INPP5A: variants seen among roughly 807,000 people sequenced by gnomAD.
The protein encoded by INPP5A is inositol polyphosphate-5-phosphatase A.
INPP5A carries 14 observed loss-of-function variants against 65.2 expected under a neutral mutation model. That is an observed-to-expected ratio of 0.21 (90% CI 0.14 to 0.34). The LOEUF (loss-of-function observed/expected upper bound fraction) is 0.34, where lower values mean the gene tolerates loss of function less well. INPP5A is among the 10% of genes least tolerant of loss of function. The pLI, the probability that INPP5A is intolerant of heterozygous loss-of-function variation, is 1.00. For synonymous variants in INPP5A, 207 were observed against 208.3 expected, an observed-to-expected ratio of 0.99 and a Z score of 0.05; for missense variants, 431 against 545.6, an observed-to-expected ratio of 0.79 and a Z score of 2.09.
At chr10:132,750,976 C>T (rs1846466102) in intron 11 of INPP5A, among the ~76,000 whole-genome samples, 2 of 152,204 alleles carry the variant, frequency 1.3e-5, no homozygotes, top group Non-Finnish European at 1.5e-5. Flanking sequence ...GGTTTGGGGG[C>T]TTATGGGTGA....
Position 132,698,517 on chromosome 10 carries a change from C to A in INPP5A, c.474+598C>A, listed in dbSNP as rs1262710076. Reference sequence around the variant, plus strand: ...TCTGGCGGCCATGCACTTTGCTGAGCTGTGTGCGCGGCTGTTGCTCTGTGC... The same window carrying A: ...TCTGGCGGCCATGCACTTTGCTGAGATGTGTGCGCGGCTGTTGCTCTGTGC... On this transcript the variant is annotated intron_variant, in intron 6 of 15. Transcript: ENST00000368594. This position sits in a 1 kb window ranked among gnomAD's most constrained non-coding sequence, Gnocchi z 5.5. Among the ~76,000 whole-genome samples the A allele has an allele frequency of 6.6e-6, 1 of 152,262 alleles. No homozygotes were observed. Among genetic ancestry groups the A allele is most frequent in the South Asian group, 2.1e-4 (1 of 4,836 alleles).
intron 1 of INPP5A, among the ~76,000 whole-genome samples, chr10:132,577,144 C>T (rs374953881): frequency 1.3e-5 from 2 of 152,190 alleles, no homozygotes; most frequent in African/African-American, 4.8e-5. Context: ...AGAGGGACCC[C>T]CAGGCAGGGC....
chr10:132,558,958 C>A (rs1296074566), intron 1 of INPP5A, among the ~76,000 whole-genome samples: 1 of 152,212 alleles, frequency 6.6e-6, no homozygotes, highest in Non-Finnish European at 1.5e-5. Context: ...CGGTGCCCAC[C>A]CTGGTCGAGC....
chr10:132,632,230 C>A (rs913761999), intron 2 of INPP5A, among the ~76,000 whole-genome samples: 1 of 152,236 alleles, frequency 6.6e-6, no homozygotes, highest in Non-Finnish European at 1.5e-5. Context: ...TGTCCAGGAT[C>A]GTGCAGGCTG....
At position 132,741,230 on chromosome 10, in the gene INPP5A, T is replaced by C. The variant is rs890105132; in HGVS notation, c.733-8287T>C. Among the ~76,000 whole-genome samples, 21 of 152,280 alleles carry C rather than the reference T, an allele frequency of 1.4e-4. No individual in the cohort carries two copies. Among genetic ancestry groups the C allele is most frequent in the African/African-American group, 5.1e-4 (21 of 41,548 alleles). On this transcript the variant is annotated intron_variant, in intron 9 of 15. Transcript: ENST00000368594. This position sits in a 1 kb window ranked among gnomAD's most constrained non-coding sequence, Gnocchi z 4.4. ...CATCCTGGCCAACAGAGGAGGACCC[T>C]GTCTCAAAAACCTAAAAATAGAGAT...
chr10:132,746,046 C>T (rs996952827), intron 9 of INPP5A, among the ~76,000 whole-genome samples: 1 of 152,182 alleles, frequency 6.6e-6, no homozygotes, highest in Non-Finnish European at 1.5e-5. Context: ...GGTAGGGCCT[C>T]GGCGTTGCCT....
chr10:132,634,301 T>C (rs58502744), intron 2 of INPP5A, among the ~76,000 whole-genome samples: 16 of 142,972 alleles, frequency 1.1e-4, no homozygotes, highest in East Asian at 4.2e-4. Flanking sequence ...TCTCCCTTGG[T>C]GGGTGTGCCC....
chr10:132,761,874 A>G (rs942031922), intron 11 of INPP5A, among the ~76,000 whole-genome samples: 9 of 152,258 alleles, frequency 5.9e-5, no homozygotes, highest in African/African-American at 2.2e-4. Context: ...AAATCATCGA[A>G]TAATTGATAC....
intron 1 of INPP5A, among the ~76,000 whole-genome samples, chr10:132,605,563 G>A (rs566430787): frequency 2.6e-5 from 4 of 152,036 alleles, no homozygotes; most frequent in South Asian, 2.1e-4. Flanking sequence ...TGGCACTGAG[G>A]CCAAGGGAGG....
chr10:132,603,097 C>T lies in INPP5A; in HGVS notation c.76-4818C>T, dbSNP rs1281670515. Among the ~76,000 whole-genome samples, 1 of 152,200 alleles carries T rather than the reference C, an allele frequency of 6.6e-6. No homozygotes were observed. Among genetic ancestry groups the T allele is most frequent in the Non-Finnish European group, 1.5e-5 (1 of 68,038 alleles). ...TAGTATTGCTTGTCAATTAATGCCT[C>T]TTCCCTCAACAGTGTGAAATGCCTC... is the stretch of plus-strand genomic sequence containing the variant. On this transcript the variant is annotated intron_variant, in intron 1 of 15. Coordinates refer to ENST00000368594, the MANE Select transcript of INPP5A (RefSeq NM_005539.5). This position sits in a 1 kb window ranked among gnomAD's most constrained non-coding sequence, Gnocchi z 4.2.
intron 2 of INPP5A, among the ~76,000 whole-genome samples, chr10:132,624,520 CGGCGTGTCTGCACTTCCCACT>C (rs1564938694): frequency 1.4e-5 from 2 of 142,264 alleles, no homozygotes; most frequent in Non-Finnish European, 3.1e-5. Flanking sequence ...GCACTTCCAC[CGGCGTGTCTGCACTTCCCACT>C]GGCGTGTCTG....
At chr10:132,604,117 C>T (rs890419636) in intron 1 of INPP5A, among the ~76,000 whole-genome samples, 20 of 138,094 alleles carry the variant, frequency 1.4e-4, no homozygotes, top group Non-Finnish European at 2.0e-4. Context: ...GTCCCCTCTC[C>T]GGCGCACCCT....
intron 9 of INPP5A, among the ~76,000 whole-genome samples, chr10:132,731,274 G>GC (rs1846080477): frequency 4.0e-5 from 6 of 151,816 alleles, no homozygotes; most frequent in African/African-American, 2.4e-5. Context: ...CGTATCAGGT[G>GC]TCCCTCCTGC....
At chr10:132,764,119 C>A (rs989688395) in intron 11 of INPP5A, among the ~76,000 whole-genome samples, 1 of 152,276 alleles carries the variant, frequency 6.6e-6, no homozygotes, top group Admixed American at 6.5e-5. Flanking sequence ...GCTGTGAACG[C>A]CTGTGCTCCA....
At chr10:132,717,278 C>T (rs1393374941) in intron 8 of INPP5A, among the ~76,000 whole-genome samples, 1 of 145,434 alleles carries the variant, frequency 6.9e-6, no homozygotes, top group African/African-American at 2.8e-5. Flanking sequence ...CAGGTGCTGG[C>T]CCCTAAAGGG....
At chr10:132,670,731 CCT>C (rs1488461149) in intron 4 of INPP5A, among the ~76,000 whole-genome samples, 1 of 152,050 alleles carries the variant, frequency 6.6e-6, no homozygotes, top group Non-Finnish European at 1.5e-5. Flanking sequence ...CCGGGTCACC[CCT>C]GTGAGCAAAC....
At chr10:132,646,522 G>A (rs1301943285) in intron 3 of INPP5A, among the ~76,000 whole-genome samples, 1 of 152,198 alleles carries the variant, frequency 6.6e-6, no homozygotes, top group Non-Finnish European at 1.5e-5. Context: ...GCAGGGGCAG[G>A]CAGGCTTGTG....
At chr10:132,632,736 C>T (rs2072291865) in intron 2 of INPP5A, among the ~76,000 whole-genome samples, 1 of 152,206 alleles carries the variant, frequency 6.6e-6, no homozygotes, top group South Asian at 2.1e-4. Context: ...ATATTAAAAC[C>T]AAAGGCAATA....
chr10:132,722,312 C>A (rs560601983), intron 8 of INPP5A, among the ~76,000 whole-genome samples: 1 of 151,480 alleles, frequency 6.6e-6, no homozygotes, highest in African/African-American at 2.4e-5. Flanking sequence ...AGGAAAAAAA[C>A]CAACTCCTAG....
Sources: allele counts gnomAD v4.1 joint callset (sites outside exome capture counted in the v4.1 genomes callset), GRCh38; gene constraint gnomAD v4.1.1; non-coding constraint Gnocchi (gnomAD v3.1); transcripts MANE v1.5; gene names NCBI Gene and HGNC (gene_info 2026-07-23, HGNC 2026-07-21).